LDB2: variants seen among roughly 807,000 people sequenced by gnomAD.
LDB2 encodes LIM domain binding 2, also known as LIM domain-binding protein 2.
LDB2 carries 12 observed loss-of-function variants against 44.3 expected under a neutral mutation model. The ratio of observed to expected loss-of-function variants is 0.27; its 90% confidence interval spans 0.17 to 0.44. The LOEUF (loss-of-function observed/expected upper bound fraction) is 0.44, where lower values mean the gene tolerates loss of function less well. Ranked by LOEUF, LDB2 falls within the 20% of genes least tolerant of loss-of-function variation. The pLI is 1.00. For synonymous variants in LDB2, 164 were observed against 174.8 expected, an observed-to-expected ratio of 0.94 and a Z score of 0.49; for missense variants, 344 against 473.5, an observed-to-expected ratio of 0.73 and a Z score of 2.54.
chr4:16,865,639 A>C (rs1714433748), intron 1 of LDB2, among the ~76,000 whole-genome samples: 1 of 152,166 alleles, frequency 6.6e-6, no homozygotes, highest in African/African-American at 2.4e-5. Flanking sequence ...CTGTAAGCTA[A>C]ATCAGCTTCA....
At chr4:16,643,396 A>G (rs1328008687) in intron 2 of LDB2, among the ~76,000 whole-genome samples, 1 of 152,218 alleles carries the variant, frequency 6.6e-6, no homozygotes, top group Non-Finnish European at 1.5e-5. Context: ...TTCTTTTCTC[A>G]CAGACAGGTA....
At chr4:16,893,207 C>T (rs181393081) in intron 1 of LDB2, 1 of 198,894 alleles carries the variant, frequency 5.0e-6, no homozygotes, top group Admixed American at 6.6e-5. Context: ...CCCTCCCCCA[C>T]CTCACCAACC....
intron 2 of LDB2, among the ~76,000 whole-genome samples, chr4:16,755,527 GTGAGAGAGAGAGAGA>G (rs1209918756): frequency 2.4e-5 from 1 of 41,694 alleles, no homozygotes; most frequent in East Asian, 5.6e-4. Flanking sequence ...GTGTGTGTAT[GTGAGAGAGAGAGAGA>G]CAGACAGACA....
chr4:16,648,639 G>T (rs1202105147), intron 2 of LDB2, among the ~76,000 whole-genome samples: 1 of 152,160 alleles, frequency 6.6e-6, no homozygotes, highest in African/African-American at 2.4e-5. Flanking sequence ...AAGCTGATTT[G>T]CAGAGTCTTA....
Position 16,604,515 on chromosome 4 carries a change from G to T in LDB2, c.236-8640C>A, listed in dbSNP as rs994258963. ...TAGCAATAACTTTGCAATAACATGA[G>T]AAAATATATATATTTATATATATAT... On this transcript the variant is annotated intron_variant, in intron 2 of 7. Coordinates refer to ENST00000304523, the MANE Select transcript of LDB2 (RefSeq NM_001290.5). Among the ~76,000 whole-genome samples, 18 of 148,558 alleles carry T rather than the reference G, an allele frequency of 1.2e-4. 1 individual carries two copies. The highest frequency in any genetic ancestry group is 4.5e-5 in the Non-Finnish European group (3 of 67,354).
At chr4:16,756,885 T>C (rs1766774123) in intron 2 of LDB2, among the ~76,000 whole-genome samples, 1 of 151,444 alleles carries the variant, frequency 6.6e-6, no homozygotes, top group South Asian at 2.1e-4. Context: ...GAAAAGTTTT[T>C]TCTAGTAAAG....
At chr4:16,762,915 T>C (rs1314017275) in intron 1 of LDB2, among the ~76,000 whole-genome samples, 1 of 152,138 alleles carries the variant, frequency 6.6e-6, no homozygotes, top group East Asian at 1.9e-4. Flanking sequence ...AGGGCCTACA[T>C]ACATACGTGA....
chr4:16,672,593 G>A (rs927425177), intron 2 of LDB2, among the ~76,000 whole-genome samples: 78 of 152,172 alleles, frequency 5.1e-4, no homozygotes, highest in African/African-American at 1.8e-3. Context: ...CAGAAAATCT[G>A]TTTAGGCAGC....
intron 1 of LDB2, among the ~76,000 whole-genome samples, chr4:16,856,066 C>A (rs1056562084): frequency 2.8e-4 from 43 of 152,022 alleles, no homozygotes; most frequent in Admixed American, 1.5e-3. Flanking sequence ...TTTTCCAATC[C>A]CAAATCTATG....
chr4:16,837,355 T>TA (rs1785058974), intron 1 of LDB2, among the ~76,000 whole-genome samples: 3 of 152,306 alleles, frequency 2.0e-5, no homozygotes, highest in African/African-American at 7.2e-5. Flanking sequence ...AGAGACTAAA[T>TA]AAATAAAATA....
At chr4:16,560,000 G>C (rs1327098857) in intron 5 of LDB2, among the ~76,000 whole-genome samples, 3 of 152,146 alleles carry the variant, frequency 2.0e-5, no homozygotes, top group Non-Finnish European at 2.9e-5. Context: ...CAGAAATAAA[G>C]ATGTTCTTTG....
intron 1 of LDB2, among the ~76,000 whole-genome samples, chr4:16,848,579 C>A (rs1787553477): frequency 6.6e-6 from 1 of 152,086 alleles, no homozygotes; most frequent in African/African-American, 2.4e-5. Context: ...ACATATTAAC[C>A]CTCCTCAGCT....
chr4:16,515,922 G>A (rs1723497263), intron 5 of LDB2, among the ~76,000 whole-genome samples: 1 of 151,872 alleles, frequency 6.6e-6, no homozygotes, highest in South Asian at 2.1e-4. Context: ...GGAGTGCAGT[G>A]GTGTGATCTT....
intron 5 of LDB2, among the ~76,000 whole-genome samples, chr4:16,550,097 C>T (rs1340388488): frequency 6.6e-6 from 1 of 152,138 alleles, no homozygotes; most frequent in South Asian, 2.1e-4. Context: ...AAGATCTTAC[C>T]TAAGTAAGTT....
At chr4:16,834,038 A>T (rs1452877212) in intron 1 of LDB2, among the ~76,000 whole-genome samples, 1 of 152,180 alleles carries the variant, frequency 6.6e-6, no homozygotes, top group East Asian at 1.9e-4. Context: ...ATTTCTGGCC[A>T]TTCTCTCTAC....
Position 16,528,932 on chromosome 4 carries a change from A to G in LDB2, c.616-16828T>C, listed in dbSNP as rs188859051. ...GTTCAGAGCAGCAGAGTCTACACCA[A>G]GATCCCAAGAAGCCACACACATTTC... On this transcript the variant is annotated intron_variant, in intron 5 of 7. Coordinates refer to ENST00000304523, the MANE Select transcript of LDB2 (RefSeq NM_001290.5). Among the ~76,000 whole-genome samples the G allele has an allele frequency of 5.5e-3, 836 of 152,336 alleles. 13 individuals are homozygous for G. The highest frequency in any genetic ancestry group is 0.019 in the African/African-American group (805 of 41,578).
intron 1 of LDB2, among the ~76,000 whole-genome samples, chr4:16,892,558 T>C (rs1474164855): frequency 6.6e-6 from 1 of 152,232 alleles, no homozygotes; most frequent in African/African-American, 2.4e-5. Context: ...GACATTGTTT[T>C]CCCAGGTCAG....
At chr4:16,686,521 G>T (rs190635296) in intron 2 of LDB2, among the ~76,000 whole-genome samples, 40 of 152,256 alleles carry the variant, frequency 2.6e-4, no homozygotes, top group Admixed American at 2.4e-3. Context: ...AAGAATCTTT[G>T]GGCAGAAATG....
intron 1 of LDB2, among the ~76,000 whole-genome samples, chr4:16,869,689 G>A (rs1430461435): frequency 1.3e-5 from 2 of 152,154 alleles, no homozygotes; most frequent in Admixed American, 6.5e-5. Flanking sequence ...CTAAAATTAT[G>A]ACTATTATTG....
Sources: gnomAD v4.1 joint callset for allele counts (sites outside exome capture counted in the v4.1 genomes callset) on GRCh38, gnomAD v4.1.1 for gene constraint, MANE v1.5 for transcripts, NCBI Gene and HGNC (gene_info 2026-07-23, HGNC 2026-07-21) for gene names.